The following ANXA4 variants were observed in gnomAD, a reference collection of about 807,000 sequenced individuals.
ANXA4 encodes 35-beta calcimedin.
A neutral mutation model predicts 49.8 loss-of-function variants in ANXA4; 39 were observed. That is an observed-to-expected ratio of 0.78 (90% CI 0.61 to 1.02). The LOEUF is 1.02. Among genes scored for constraint, ANXA4 ranks in the 50% least tolerant of loss-of-function variants. ANXA4 has a pLI of 0.00. For missense variants in ANXA4, 360 were observed against 410.1 expected, an observed-to-expected ratio of 0.88 and a Z score of 1.05; for synonymous variants, 134 against 152.5, an observed-to-expected ratio of 0.88 and a Z score of 0.89.
chr2:69,677,222 G>T (rs955648284), intron 2 of ANXA4, among the ~76,000 whole-genome samples: 2 of 151,922 alleles, frequency 1.3e-5, no homozygotes, highest in African/African-American at 4.8e-5. Flanking sequence ...GTTATTAAAG[G>T]TTCTTCATAA....
intron 2 of ANXA4, among the ~76,000 whole-genome samples, chr2:69,688,839 C>T (rs916095480): frequency 1.3e-5 from 2 of 152,214 alleles, no homozygotes; most frequent in African/African-American, 4.8e-5. Flanking sequence ...TTACATTCCA[C>T]ATTCAACTCA....
At chr2:69,647,994 G>C (rs909735491) in intron 1 of ANXA4, among the ~76,000 whole-genome samples, 8 of 152,184 alleles carry the variant, frequency 5.3e-5, no homozygotes, top group Non-Finnish European at 7.3e-5. Flanking sequence ...AGATGAACAT[G>C]TATGGTTTGT....
At chr2:69,806,895 A>G (rs776137193) in intron 5 of ANXA4, among the ~76,000 whole-genome samples, 4 of 152,168 alleles carry the variant, frequency 2.6e-5, no homozygotes, top group African/African-American at 7.2e-5. Flanking sequence ...AATGGGTACT[A>G]GGCTTAATAC....
At chr2:69,702,607 G>A (rs1044567088) in intron 2 of ANXA4, among the ~76,000 whole-genome samples, 2 of 152,022 alleles carry the variant, frequency 1.3e-5, no homozygotes, top group African/African-American at 2.4e-5. Flanking sequence ...TCAGCTACTC[G>A]GGAGGCTGAG....
intron 2 of ANXA4, among the ~76,000 whole-genome samples, chr2:69,707,731 A>G (rs939341533): frequency 2.6e-5 from 4 of 152,226 alleles, no homozygotes; most frequent in Admixed American, 6.5e-5. Flanking sequence ...TGTGTTACAA[A>G]CAACCCAATT....
At chr2:69,740,061 C>T (rs1248164418), upstream of ANXA4, among the ~76,000 whole-genome samples, 2 of 152,124 alleles carry the variant, frequency 1.3e-5, no homozygotes, top group Admixed American at 6.6e-5. Context: ...CTGGTCTGAG[C>T]GCAGATGTCA....
At chr2:69,801,814 AG>A (rs1673205995) in intron 3 of ANXA4, among the ~76,000 whole-genome samples, 1 of 152,202 alleles carries the variant, frequency 6.6e-6, no homozygotes, top group Non-Finnish European at 1.5e-5. Flanking sequence ...AGGTACCAGA[AG>A]GAGGTTTTAG....
intron 1 of ANXA4, among the ~76,000 whole-genome samples, chr2:69,773,899 G>T (rs1228053758): frequency 1.3e-5 from 2 of 151,480 alleles, no homozygotes; most frequent in African/African-American, 4.9e-5. Flanking sequence ...CAAAGTGCTG[G>T]GATTACAGGC....
chr2:69,669,611 A>C (rs910929263), intron 2 of ANXA4, among the ~76,000 whole-genome samples: 35 of 138,724 alleles, frequency 2.5e-4, no homozygotes, highest in Admixed American at 2.1e-3. Context: ...ACTCCATCTC[A>C]AAAAAAAAAA....
intron 2 of ANXA4, chr2:69,713,840 T>C (rs1678769816): frequency 1.3e-5 from 2 of 152,150 alleles, no homozygotes; most frequent in Admixed American, 1.3e-4. Flanking sequence ...AAAGAAAGAA[T>C]GGGGGAAAAA....
At chr2:69,651,766 T>C (rs1676245809) in intron 1 of ANXA4, among the ~76,000 whole-genome samples, 2 of 133,584 alleles carry the variant, frequency 1.5e-5, no homozygotes, top group South Asian at 4.9e-4. Flanking sequence ...CCTCCCAAAG[T>C]GGTGGGATTA....
intron 2 of ANXA4, among the ~76,000 whole-genome samples, chr2:69,670,837 C>T (rs192143273): frequency 2.6e-5 from 4 of 151,884 alleles, no homozygotes; most frequent in Non-Finnish European, 5.9e-5. Context: ...CCAGCCTGAG[C>T]AACATAGTGA....
intron 2 of ANXA4, among the ~76,000 whole-genome samples, chr2:69,663,000 T>TG: frequency 6.8e-6 from 1 of 146,910 alleles, no homozygotes; most frequent in Non-Finnish European, 1.5e-5. Flanking sequence ...TTCTTTTTTT[T>TG]TTTTTTTTTT....
At chr2:69,813,254 T>TC (rs1367213239) in intron 8 of ANXA4, among the ~76,000 whole-genome samples, 1 of 152,026 alleles carries the variant, frequency 6.6e-6, no homozygotes, top group East Asian at 1.9e-4. Context: ...CTAAAATTTT[T>TC]TTTTTTTTTT....
At chr2:69,647,610 T>C (rs1019021734) in intron 1 of ANXA4, among the ~76,000 whole-genome samples, 2 of 152,062 alleles carry the variant, frequency 1.3e-5, no homozygotes, top group Non-Finnish European at 2.9e-5. Context: ...GGTTTCACCA[T>C]GTTGCCCAGG....
chr2:69,761,980 C>G (rs918599850), intron 1 of ANXA4, among the ~76,000 whole-genome samples: 10 of 152,076 alleles, frequency 6.6e-5, no homozygotes, highest in Admixed American at 6.6e-4. Context: ...ACGTGTAATA[C>G]TAGAAAAGAT....
intron 1 of ANXA4, among the ~76,000 whole-genome samples, chr2:69,648,680 C>T (rs946811143): frequency 6.6e-6 from 1 of 151,834 alleles, no homozygotes; most frequent in African/African-American, 2.4e-5. Context: ...AAAAATTAGC[C>T]GGGCATGGTG....
intron 2 of ANXA4, among the ~76,000 whole-genome samples, chr2:69,682,153 G>A (rs141407123): frequency 6.6e-5 from 10 of 152,142 alleles, no homozygotes; most frequent in South Asian, 2.1e-4. Context: ...TGCCTGGCCC[G>A]TTCTTGCTTT....
chr2:69,712,057 C>T (rs766459687), intron 2 of ANXA4, among the ~76,000 whole-genome samples: 4 of 151,966 alleles, frequency 2.6e-5, no homozygotes, highest in Non-Finnish European at 5.9e-5. Context: ...CTTGGTCTCT[C>T]CTTTTCCTGG....
Sources: gnomAD v4.1 joint callset for allele counts (sites outside exome capture counted in the v4.1 genomes callset) on GRCh38, gnomAD v4.1.1 for gene constraint, MANE v1.5 for transcripts, NCBI Gene and HGNC (gene_info 2026-07-23, HGNC 2026-07-21) for gene names.